ZC2HC1B: variants seen among roughly 807,000 people sequenced by gnomAD.
ZC2HC1B encodes the protein zinc finger C2HC domain-containing protein 1B.
Under a neutral mutation model 31.0 loss-of-function variants are expected in ZC2HC1B, and 36 were observed. That is an observed-to-expected ratio of 1.16 (90% CI 0.89 to 1.54). The LOEUF (loss-of-function observed/expected upper bound fraction) is 1.54, where lower values mean the gene tolerates loss of function less well. ZC2HC1B is among the 40% of genes most tolerant of loss of function. The pLI is 0.00. For missense variants in ZC2HC1B, 260 were observed against 268.6 expected (o/e 0.97, Z 0.22); for synonymous variants, 73 against 88.0 (o/e 0.83, Z 0.95).
rs1450029075 is a variant in ZC2HC1B, at chr6:143,924,790, CTGT to C, written c.599-12852_599-12850del. Among the ~76,000 whole-genome samples the C allele has an allele frequency of 6.6e-6, 1 of 152,138 alleles. No individual in the cohort carries two copies. Among genetic ancestry groups the C allele is most frequent in the Non-Finnish European group, 1.5e-5 (1 of 68,014 alleles). Reference sequence around the variant, plus strand: ...GATCATATTGTTTTTGTCTTTCATTCTGTTGTTGTGAGGTATCACATTTATTGA... The same window carrying C: ...GATCATATTGTTTTTGTCTTTCATTCTGTTGTGAGGTATCACATTTATTGA... On this transcript the variant is annotated intron_variant, in intron 6 of 7. Transcript: ENST00000237275. The surrounding 1 kb of genome is among the most constrained non-coding windows in gnomAD (Gnocchi z 5.2).
chr6:143,892,224 G>A (rs150328383), intron 4 of ZC2HC1B, among the ~76,000 whole-genome samples: 30 of 152,130 alleles, frequency 2.0e-4, no homozygotes, highest in African/African-American at 7.2e-4. Context: ...GAAGGTGAAG[G>A]GGAGCAGGCA....
chr6:143,885,952 G>C lies in ZC2HC1B; in HGVS notation c.91-80G>C. On this transcript the variant is annotated intron_variant, in intron 2 of 7. Transcript: ENST00000237275. This position sits in a 1 kb window ranked among gnomAD's most constrained non-coding sequence, Gnocchi z 4.2. The stretch of plus-strand genomic sequence containing the variant: ...GAGGAGCAAACATAGTCCCTGGAGT[G>C]GGGGCTGTCTAGGTACACCTAGGCA... 1.4e-6 allele frequency: 2 copies of C among 1,391,994 alleles called. No homozygotes were observed. Among genetic ancestry groups the C allele is most frequent in the Admixed American group, 3.2e-5 (1 of 30,816 alleles). 86.2% of individuals were successfully genotyped at this position (1,391,994 alleles called of 1,614,324 possible).
At position 143,871,518 on chromosome 6, in the gene ZC2HC1B, T is replaced by G. The variant is rs12199553; in HGVS notation, c.28+6951T>G. Among the ~76,000 whole-genome samples the G allele has an allele frequency of 0.21, 31,249 of 152,182 alleles. 3,378 individuals carry two copies. The highest frequency in any genetic ancestry group is 0.43 in the East Asian group (2,231 of 5,164). ...TTGGCTCAAACAATGAAACCACATCTGGTACAGCAGCTGCAGTTGGAGTCA... is the reference window on the plus strand; with the variant it reads ...TTGGCTCAAACAATGAAACCACATCGGGTACAGCAGCTGCAGTTGGAGTCA... On this transcript the variant is annotated intron_variant, in intron 1 of 7. Coordinates refer to ENST00000237275, the MANE Select transcript of ZC2HC1B (RefSeq NM_001013623.3). This position sits in a 1 kb window ranked among gnomAD's most constrained non-coding sequence, Gnocchi z 4.1.
rs1777950613 is a variant in ZC2HC1B at position 143,918,840 on chromosome 6, T to A, written c.598+15688T>A. On this transcript the variant is annotated intron_variant, in intron 6 of 7. Coordinates refer to ENST00000237275, the MANE Select transcript of ZC2HC1B (RefSeq NM_001013623.3). This position sits in a 1 kb window ranked among gnomAD's most constrained non-coding sequence, Gnocchi z 4.1. The stretch of plus-strand genomic sequence containing the variant: ...CTGTTTGTTCAAATGTATTCTTGAA[T>A]CCTACTAGTAAAGTTTTCATTTCAT... 6.6e-6 allele frequency among the ~76,000 whole-genome samples: 1 copy of A among 152,202 alleles called. No homozygotes were observed. The highest frequency in any genetic ancestry group is 2.4e-5 in the African/African-American group (1 of 41,460).
chr6:143,864,507 C>T lies in ZC2HC1B; in HGVS notation c.-33C>T. Reference sequence around the variant, plus strand: ...GTTATCTGGACTGGGCTGTAAAAATCTGTGAACACTGTTGCTCTGAGTTAG... The same window carrying T: ...GTTATCTGGACTGGGCTGTAAAAATTTGTGAACACTGTTGCTCTGAGTTAG... On this transcript the variant is annotated 5_prime_UTR_variant, in exon 1 of 8. Coordinates refer to ENST00000237275, the MANE Select transcript of ZC2HC1B (RefSeq NM_001013623.3). 2 of 1,551,486 alleles carry T rather than the reference C, an allele frequency of 1.3e-6. No individual in the cohort carries two copies. Among genetic ancestry groups the T allele is most frequent in the Non-Finnish European group, 1.7e-6 (2 of 1,146,826 alleles).
At position 143,885,931 on chromosome 6, in the gene ZC2HC1B, A is replaced by C; in HGVS notation, c.91-101A>C. 7.6e-7 allele frequency: 1 copy of C among 1,321,322 alleles called. No individual in the cohort carries two copies. The highest frequency in any genetic ancestry group is 9.9e-7 in the Non-Finnish European group (1 of 1,014,006). 81.8% of individuals were successfully genotyped at this position (1,321,322 alleles called of 1,614,324 possible). ...TTAGAGAATGAACTAGGCTCTGAGG[A>C]GCAAACATAGTCCCTGGAGTGGGGG... On this transcript the variant is annotated intron_variant, in intron 2 of 7. Transcript: ENST00000237275. This position sits in a 1 kb window ranked among gnomAD's most constrained non-coding sequence, Gnocchi z 4.2.
Position 143,886,099 on chromosome 6 carries a change from A to C in ZC2HC1B, c.158A>C (p.Gln53Pro), listed in dbSNP as rs1296209048. Residue 53 changes from glutamine (Q) to proline (P), a missense_variant, in exon 3 of 8, where the codon CAA becomes CCA. Gln to Pro is a moderately conservative substitution (Grantham distance 76, BLOSUM62 -1). Transcript: ENST00000237275. The surrounding 1 kb of genome is among the most constrained non-coding windows in gnomAD (Gnocchi z 4.2). Reference sequence around the variant, plus strand: ...CGTAAACCTTTCAGTTCTTTGAAGCAAAGATTACAGGGCACTGACATTCCT... The same window carrying C: ...CGTAAACCTTTCAGTTCTTTGAAGCCAAGATTACAGGGCACTGACATTCCT... ...RKRKPFSSLK[Q>P]RLQGTDIPTV... is the part of the protein sequence containing the mutation. 2.6e-6 allele frequency: 4 copies of C among 1,549,798 alleles called. No homozygotes were observed. In the East Asian group the frequency reaches 9.8e-5, roughly 38 times the overall value.
Position 143,917,943 on chromosome 6 carries a change from CA to C in ZC2HC1B, c.598+14797del, listed in dbSNP as rs1344030372. ...TTAGTCTCTTCGATCATGTAGAAAA[CA>C]AAAAAGTGGAGTTGCAAACCATTAT... On this transcript the variant is annotated intron_variant, in intron 6 of 7. Coordinates refer to ENST00000237275, the MANE Select transcript of ZC2HC1B (RefSeq NM_001013623.3). This position sits in a 1 kb window ranked among gnomAD's most constrained non-coding sequence, Gnocchi z 4.1. Among the ~76,000 whole-genome samples the C allele has an allele frequency of 6.6e-6, 1 of 152,108 alleles. No homozygotes were observed. Among genetic ancestry groups the C allele is most frequent in the Non-Finnish European group, 1.5e-5 (1 of 68,022 alleles).
At chr6:143,927,483 AT>A (rs574206087) in intron 6 of ZC2HC1B, among the ~76,000 whole-genome samples, 1 of 152,030 alleles carries the variant, frequency 6.6e-6, no homozygotes, top group East Asian at 1.9e-4. Context: ...ACATTATATT[AT>A]TTTTTTCATG....
intron 6 of ZC2HC1B, among the ~76,000 whole-genome samples, chr6:143,928,726 T>A (rs1778080615): frequency 6.6e-6 from 1 of 152,146 alleles, no homozygotes; most frequent in African/African-American, 2.4e-5. Flanking sequence ...GAATGGAATG[T>A]TTTCCCATTT....
intron 6 of ZC2HC1B, among the ~76,000 whole-genome samples, chr6:143,936,533 T>C (rs903518553): frequency 3.3e-5 from 5 of 152,212 alleles, no homozygotes; most frequent in Admixed American, 6.5e-5. Context: ...GGGGAATGAG[T>C]GTATAGCCTA....
At chr6:143,902,400 T>C (rs1388938227) in intron 5 of ZC2HC1B, among the ~76,000 whole-genome samples, 1 of 152,196 alleles carries the variant, frequency 6.6e-6, no homozygotes, top group Non-Finnish European at 1.5e-5. Context: ...ATGAGCTGCC[T>C]CCTATAGTCT....
chr6:143,919,800 T>G (rs1777967312), intron 6 of ZC2HC1B, among the ~76,000 whole-genome samples: 1 of 152,186 alleles, frequency 6.6e-6, no homozygotes, highest in South Asian at 2.1e-4. Flanking sequence ...AGCCTTCCCC[T>G]GGAAGTTGCA....
At chr6:143,867,353 T>G (rs1490377377) in intron 1 of ZC2HC1B, among the ~76,000 whole-genome samples, 1 of 152,212 alleles carries the variant, frequency 6.6e-6, no homozygotes, top group Non-Finnish European at 1.5e-5. Context: ...ACCAATTAGA[T>G]GAAAGCATCC....
rs1777708750 is a variant in ZC2HC1B at position 143,899,484 on chromosome 6, T to G, written c.489+793T>G. Among the ~76,000 whole-genome samples, 1 of 152,180 alleles carries G rather than the reference T, an allele frequency of 6.6e-6. No homozygotes were observed. The highest frequency in any genetic ancestry group is 1.5e-5 in the Non-Finnish European group (1 of 68,034). Reference sequence around the variant, plus strand: ...TTGACCTCCCAGGTGCAGGTGATACTCCCACCTCGGCCTCCTGAGTAGCTG... The same window carrying G: ...TTGACCTCCCAGGTGCAGGTGATACGCCCACCTCGGCCTCCTGAGTAGCTG... On this transcript the variant is annotated intron_variant, in intron 5 of 7. Transcript: ENST00000237275. This position sits in a 1 kb window ranked among gnomAD's most constrained non-coding sequence, Gnocchi z 5.0.
rs1777509069 is a variant in ZC2HC1B at position 143,884,682 on chromosome 6, C to G, written c.90+317C>G. On this transcript the variant is annotated intron_variant, in intron 2 of 7. Transcript: ENST00000237275. The surrounding 1 kb of genome is among the most constrained non-coding windows in gnomAD (Gnocchi z 5.1). ...GCATCGAAAATTCAAATTTCAAGGC[C>G]AAAGCACCAGGGAAATTAGCTAGTC... 6.6e-6 allele frequency among the ~76,000 whole-genome samples: 1 copy of G among 152,098 alleles called. No homozygotes were observed. The highest frequency in any genetic ancestry group is 1.5e-5 in the Non-Finnish European group (1 of 68,010).
At chr6:143,910,486 T>A (rs180964314) in intron 6 of ZC2HC1B, among the ~76,000 whole-genome samples, 5 of 152,330 alleles carry the variant, frequency 3.3e-5, no homozygotes, top group African/African-American at 9.6e-5. Flanking sequence ...CAGGCCCACT[T>A]GATCCAGAGC....
chr6:143,886,661 T>A lies in ZC2HC1B; in HGVS notation c.211-22T>A. ...AGAGGTATATAGTCTAGGGTATTATTTGTTGGTTTTATTTTTTACAGTCTC... is the reference window on the plus strand; with the variant it reads ...AGAGGTATATAGTCTAGGGTATTATATGTTGGTTTTATTTTTTACAGTCTC... On this transcript the variant is annotated intron_variant, in intron 3 of 7. Coordinates refer to ENST00000237275, the MANE Select transcript of ZC2HC1B (RefSeq NM_001013623.3). This position sits in a 1 kb window ranked among gnomAD's most constrained non-coding sequence, Gnocchi z 4.2. 6.6e-7 allele frequency: 1 copy of A among 1,515,062 alleles called. No homozygotes were observed. Among genetic ancestry groups the A allele is most frequent in the East Asian group, 2.5e-5 (1 of 39,342 alleles). The allele number at this position is 1,515,062 out of a possible 1,614,324, so 93.9% of individuals were successfully genotyped here.
intron 6 of ZC2HC1B, among the ~76,000 whole-genome samples, chr6:143,912,168 T>A (rs1422763192): frequency 6.6e-6 from 1 of 152,218 alleles, no homozygotes; most frequent in Non-Finnish European, 1.5e-5. Context: ...GCTCCTGTAT[T>A]GTTTTATCAT....
Sources: gnomAD v4.1 joint callset for allele counts (sites outside exome capture counted in the v4.1 genomes callset) on GRCh38, gnomAD v4.1.1 for gene constraint, Gnocchi (gnomAD v3.1) non-coding constraint, MANE v1.5 for transcripts, NCBI Gene and HGNC (gene_info 2026-07-23, HGNC 2026-07-21) for gene names.